Variants in ANK1 observed in about 807,000 individuals in gnomAD.
ANK1 encodes ankyrin 1.
Under a neutral mutation model 210.4 loss-of-function variants are expected in ANK1, and 51 were observed. The ratio of observed to expected loss-of-function variants is 0.24; its 90% CI spans 0.19 to 0.31. The LOEUF (loss-of-function observed/expected upper bound fraction) is 0.31. ANK1 is among the 10% of genes least tolerant of loss of function. ANK1 has a pLI of 1.00. For missense variants in ANK1, 2,051 were observed against 2,504.4 expected (o/e 0.82, Z 3.86); for synonymous variants, 967 against 1,025.9 (o/e 0.94, Z 1.10).
intron 1 of ANK1, chr8:41,789,009 A>T (rs1057390446): frequency 6.6e-6 from 1 of 152,220 alleles, no homozygotes; most frequent in African/African-American, 2.4e-5. Context: ...GTTTTGTGAA[A>T]TTCTACAGAT....
At chr8:41,827,506 T>G (rs1805593769) in intron 1 of ANK1, among the ~76,000 whole-genome samples, 1 of 152,168 alleles carries the variant, frequency 6.6e-6, no homozygotes, top group Non-Finnish European at 1.5e-5. Context: ...TAAAACAAAA[T>G]GTAATGGCCT....
At chr8:41,703,054 C>T (rs1172834941) in intron 20 of ANK1, among the ~76,000 whole-genome samples, 2 of 151,928 alleles carry the variant, frequency 1.3e-5, no homozygotes, top group Non-Finnish European at 2.9e-5. Context: ...TGGTCTCGAA[C>T]TCCTGACCTC....
At chr8:41,791,343 TG>T (rs1331304796) in intron 1 of ANK1, among the ~76,000 whole-genome samples, 1 of 151,220 alleles carries the variant, frequency 6.6e-6, no homozygotes, top group Non-Finnish European at 1.5e-5. Flanking sequence ...GGCTAATTTT[TG>T]TATTTTTAGA....
intron 1 of ANK1, among the ~76,000 whole-genome samples, chr8:41,849,526 A>AC (rs894544649): frequency 6.6e-6 from 1 of 151,228 alleles, no homozygotes; most frequent in Non-Finnish European, 1.5e-5. Flanking sequence ...AATGTCCCAA[A>AC]AAAAAAAATG....
intron 18 of ANK1, among the ~76,000 whole-genome samples, chr8:41,705,098 C>T (rs1824199170): frequency 6.6e-6 from 1 of 152,236 alleles, no homozygotes; most frequent in African/African-American, 2.4e-5. Context: ...GACATTCGCT[C>T]ATGTGAGTCT....
intron 16 of ANK1, among the ~76,000 whole-genome samples, chr8:41,712,578 G>A (rs903435255): frequency 6.6e-6 from 1 of 152,188 alleles, no homozygotes; most frequent in East Asian, 1.9e-4. Flanking sequence ...ATGTGTGCCC[G>A]CAAAAGGCTC....
intron 1 of ANK1, among the ~76,000 whole-genome samples, chr8:41,824,032 T>C (rs1401397433): frequency 6.6e-6 from 1 of 152,116 alleles, no homozygotes; most frequent in African/African-American, 2.4e-5. Flanking sequence ...TGACCTCGGC[T>C]CACTGCAGCC....
intron 13 of ANK1, among the ~76,000 whole-genome samples, chr8:41,716,357 C>A (rs1315355433): frequency 2.0e-5 from 3 of 152,046 alleles, no homozygotes; most frequent in Admixed American, 1.3e-4. Context: ...ACCCACACCC[C>A]CCCACTTCCT....
intron 1 of ANK1, among the ~76,000 whole-genome samples, chr8:41,833,681 C>T (rs1258861860): frequency 6.6e-6 from 1 of 152,184 alleles, no homozygotes; most frequent in African/African-American, 2.4e-5. Flanking sequence ...CCTATCCATT[C>T]ATCAGTGAAC....
At chr8:41,667,311 A>G (rs1810883730) in intron 39 of ANK1, among the ~76,000 whole-genome samples, 1 of 152,218 alleles carries the variant, frequency 6.6e-6, no homozygotes, top group African/African-American at 2.4e-5. Context: ...GAAGGGAGAC[A>G]AGGAAAGAAA....
intron 1 of ANK1, among the ~76,000 whole-genome samples, chr8:41,895,906 C>A (rs954912898): frequency 1.3e-5 from 2 of 152,066 alleles, no homozygotes; most frequent in South Asian, 4.1e-4. Flanking sequence ...GAGCTGCCCC[C>A]CCCCGGCCCG....
chr8:41,687,633 A>G (rs946609537), intron 35 of ANK1, among the ~76,000 whole-genome samples: 21 of 152,174 alleles, frequency 1.4e-4, no homozygotes, highest in African/African-American at 4.8e-4. Context: ...CCTGGGATTA[A>G]GCCTCTTTCA....
intron 16 of ANK1, among the ~76,000 whole-genome samples, chr8:41,713,505 C>T (rs1826754371): frequency 6.6e-6 from 1 of 152,258 alleles, no homozygotes; most frequent in African/African-American, 2.4e-5. Flanking sequence ...AGCAGCTCGC[C>T]TCCGAAGCTG....
intron 1 of ANK1, among the ~76,000 whole-genome samples, chr8:41,803,165 A>G (rs1850425956): frequency 6.6e-6 from 1 of 150,592 alleles, no homozygotes; most frequent in South Asian, 2.1e-4. Flanking sequence ...AGAAAAGAGA[A>G]AAAGAGAGGG....
intron 37 of ANK1, among the ~76,000 whole-genome samples, chr8:41,683,977 G>A (rs1816911177): frequency 6.6e-6 from 1 of 152,182 alleles, no homozygotes; most frequent in Non-Finnish European, 1.5e-5. Context: ...AAAAGGGGGA[G>A]AGGAAAAAGC....
intron 1 of ANK1, among the ~76,000 whole-genome samples, chr8:41,808,669 A>AAAT (rs755012506): frequency 1.9e-4 from 29 of 152,148 alleles, no homozygotes; most frequent in African/African-American, 5.8e-4. Context: ...CTGTCTAAAA[A>AAAT]AATAATAATA....
chr8:41,697,298 G>C (rs181936517), intron 24 of ANK1, among the ~76,000 whole-genome samples: 159 of 152,296 alleles, frequency 1.0e-3, no homozygotes, highest in African/African-American at 3.7e-3. Context: ...ACGGGAACTT[G>C]CCTTAGGGTA....
At chr8:41,884,678 T>TA (rs1349485294) in intron 1 of ANK1, among the ~76,000 whole-genome samples, 3 of 151,810 alleles carry the variant, frequency 2.0e-5, no homozygotes, top group East Asian at 1.9e-4. Flanking sequence ...CTACAAGAAA[T>TA]AAAAAAATAC....
intron 37 of ANK1, among the ~76,000 whole-genome samples, chr8:41,680,598 G>C (rs936403721): frequency 2.0e-5 from 3 of 150,838 alleles, no homozygotes; most frequent in Non-Finnish European, 4.4e-5. Flanking sequence ...TGGATACAGA[G>C]AGCACATGTA....
Sources: gnomAD v4.1 joint callset for allele counts (sites outside exome capture counted in the v4.1 genomes callset) on GRCh38, gnomAD v4.1.1 for gene constraint, MANE v1.5 for transcripts, NCBI Gene and HGNC (gene_info 2026-07-23, HGNC 2026-07-21) for gene names.